Variants in FAT3 observed in about 807,000 individuals in gnomAD.
FAT3 encodes FAT atypical cadherin 3, also known as protocadherin Fat 3.
In FAT3, 95 loss-of-function variants were observed where a neutral mutation model predicts 310.2. That is an observed-to-expected ratio of 0.31 (90% CI 0.26 to 0.36). The LOEUF (loss-of-function observed/expected upper bound fraction) is 0.36. Ranked by LOEUF, FAT3 falls within the 10% of genes least tolerant of loss-of-function variation. The pLI is 1.00. For missense variants in FAT3, 5,408 were observed against 5,715.6 expected, an observed-to-expected ratio of 0.95 and a Z score of 1.74; for synonymous variants, 2,314 against 2,192.9, an observed-to-expected ratio of 1.06 and a Z score of -1.54.
rs1290078922 is a variant in FAT3 at position 92,895,097 on chromosome 11, T to TG, written c.*3986dup. On this transcript the variant is annotated 3_prime_UTR_variant, in exon 28 of 28. Transcript: ENST00000525166. ...ATTTTGCATGGATTGTCCAGATAAT[T>TG]GGCTCTTCACTCCGCTGCCTTCCCA... 1.3e-5 allele frequency: 2 copies of TG among 152,254 alleles called. No individual in the cohort carries two copies. The highest frequency in any genetic ancestry group is 2.9e-5 in the Non-Finnish European group (2 of 68,044). 9.4% of individuals were successfully genotyped at this position (152,254 alleles called of 1,614,324 possible). A position where few individuals can be genotyped will look rare whatever the true frequency, so the allele number is the denominator to read the frequency against.
At chr11:92,356,806 G>A (rs750077064) in intron 2 of FAT3, among the ~76,000 whole-genome samples, 4 of 152,042 alleles carry the variant, frequency 2.6e-5, no homozygotes, top group Admixed American at 6.6e-5. Flanking sequence ...TGGTAGGAAG[G>A]TATCACTATA....
intron 2 of FAT3, among the ~76,000 whole-genome samples, chr11:92,468,982 A>G (rs890755488): frequency 2.6e-5 from 4 of 152,160 alleles, no homozygotes; most frequent in African/African-American, 9.6e-5. Context: ...GCCATAGCCA[A>G]ACTTTCAAGG....
intron 21 of FAT3, among the ~76,000 whole-genome samples, chr11:92,862,468 T>C (rs1206282108): frequency 2.0e-5 from 3 of 152,194 alleles, no homozygotes; most frequent in Non-Finnish European, 4.4e-5. Flanking sequence ...AAGGAGAATA[T>C]GGTTGTTAAT....
intron 22 of FAT3, among the ~76,000 whole-genome samples, chr11:92,869,121 C>T (rs893245127): frequency 6.6e-6 from 1 of 152,182 alleles, no homozygotes; most frequent in Non-Finnish European, 1.5e-5. Flanking sequence ...AGCCTCTTAT[C>T]AGTTCAAGTT....
At chr11:92,338,588 A>G (rs1313254327) in intron 1 of FAT3, among the ~76,000 whole-genome samples, 1 of 152,120 alleles carries the variant, frequency 6.6e-6, no homozygotes, top group Non-Finnish European at 1.5e-5. Context: ...TGGTCTTGGT[A>G]GTCAAGCAGA....
chr11:92,799,039 A>G lies in FAT3; in HGVS notation c.6026A>G (p.Asn2009Ser). The G allele has an allele frequency of 2.5e-6, 4 of 1,613,964 alleles. No individual in the cohort carries two copies. Among genetic ancestry groups the G allele is most frequent in the Non-Finnish European group, 3.4e-6 (4 of 1,179,878 alleles). The part of the protein sequence containing the change: ...TKVAIVNAVG[N>S]RLNEPLKYSI... ...GTTGCTATTGTCAATGCAGTTGGAA[A>G]TCGCCTTAATGAGCCCTTAAAATAC... The change falls in exon 10 of 28, where the codon AAT becomes AGT. Residue 2009 changes from asparagine to serine, a missense_variant. Coordinates refer to ENST00000525166, the MANE Select transcript of FAT3 (RefSeq NM_001367949.2).
chr11:92,282,468 C>T (rs2092044922), intron 1 of FAT3, among the ~76,000 whole-genome samples: 1 of 151,950 alleles, frequency 6.6e-6, no homozygotes, highest in South Asian at 2.1e-4. Context: ...CGTTCGAGAC[C>T]AGCCTGGCCA....
intron 13 of FAT3, among the ~76,000 whole-genome samples, chr11:92,828,785 C>T (rs1424160271): frequency 6.6e-6 from 1 of 152,120 alleles, no homozygotes; most frequent in Admixed American, 6.5e-5. Flanking sequence ...GTCAGCTGAG[C>T]AGGAAGCTTG....
intron 3 of FAT3, among the ~76,000 whole-genome samples, chr11:92,554,321 G>T (rs1223203819): frequency 2.0e-5 from 3 of 151,696 alleles, no homozygotes; most frequent in Non-Finnish European, 4.4e-5. Flanking sequence ...AATTAGCCAG[G>T]CGTGGTGGCA....
At chr11:92,332,812 C>T (rs189766703) in intron 1 of FAT3, among the ~76,000 whole-genome samples, 1 of 152,104 alleles carries the variant, frequency 6.6e-6, no homozygotes, top group Non-Finnish European at 1.5e-5. Flanking sequence ...CCATAGAGTT[C>T]CTCCATTTTC....
chr11:92,769,691 T>C (rs753600467), intron 6 of FAT3, among the ~76,000 whole-genome samples: 1 of 152,256 alleles, frequency 6.6e-6, no homozygotes, highest in Non-Finnish European at 1.5e-5. Flanking sequence ...TCTCGCCTAC[T>C]GTAAGGCTGC....
intron 4 of FAT3, among the ~76,000 whole-genome samples, chr11:92,705,760 A>G (rs1217370638): frequency 4.0e-3 from 15 of 3,780 alleles, no homozygotes; most frequent in East Asian, 6.7e-3. Context: ...TGGTGCTGTG[A>G]TGGTGTGATG....
At chr11:92,318,532 C>A (rs542745002) in intron 1 of FAT3, among the ~76,000 whole-genome samples, 2 of 152,104 alleles carry the variant, frequency 1.3e-5, no homozygotes, top group African/African-American at 4.8e-5. Context: ...GATTATTTAG[C>A]CCTAATTACT....
At chr11:92,779,356 A>C (rs1336115277) in intron 7 of FAT3, among the ~76,000 whole-genome samples, 1 of 152,092 alleles carries the variant, frequency 6.6e-6, no homozygotes, top group African/African-American at 2.4e-5. Flanking sequence ...GGATAATTGC[A>C]GGTTTGGGGC....
intron 3 of FAT3, among the ~76,000 whole-genome samples, chr11:92,585,564 C>G (rs553324318): frequency 6.6e-5 from 10 of 152,092 alleles, no homozygotes; most frequent in Admixed American, 1.3e-4. Context: ...CGGTGCAGCT[C>G]CAAATGCTTT....
At chr11:92,868,237 C>A (rs1949296528) in intron 22 of FAT3, among the ~76,000 whole-genome samples, 3 of 152,120 alleles carry the variant, frequency 2.0e-5, no homozygotes, top group Non-Finnish European at 4.4e-5. Flanking sequence ...ATTTAGAGTC[C>A]ATTTTATTAT....
intron 3 of FAT3, among the ~76,000 whole-genome samples, chr11:92,672,714 C>T (rs913774839): frequency 6.6e-6 from 1 of 152,130 alleles, no homozygotes; most frequent in African/African-American, 2.4e-5. Flanking sequence ...GAGAGAGGAA[C>T]TGGGACATAA....
chr11:92,743,922 G>A (rs1945579116), intron 4 of FAT3, among the ~76,000 whole-genome samples: 1 of 152,176 alleles, frequency 6.6e-6, no homozygotes, highest in South Asian at 2.1e-4. Flanking sequence ...ACTCTCCAGA[G>A]TCCCACCAGG....
Position 92,883,272 on chromosome 11 carries a change from C to A in FAT3, c.12816C>A (p.Arg4272=), listed in dbSNP as rs1361012431. Residue 4272 remains arginine (R), a synonymous_variant, in exon 24 of 28, where the codon CGC becomes CGA. Transcript: ENST00000525166. This position sits in a 1 kb window ranked among gnomAD's most constrained non-coding sequence, Gnocchi z 4.2. ...CCACGTTTCACCCTGAGTCGCCCCGCATCCTGACAGCCCGGCGGGGCGTGG... is the reference window on the plus strand; with the variant it reads ...CCACGTTTCACCCTGAGTCGCCCCGAATCCTGACAGCCCGGCGGGGCGTGG... ...EMTTFHPESP[R]ILTARRGVVV... The A allele has an allele frequency of 1.2e-6, 2 of 1,612,746 alleles. No individual in the cohort carries two copies. The highest frequency in any genetic ancestry group is 2.7e-5 in the African/African-American group (2 of 74,932).
Sources: allele counts gnomAD v4.1 joint callset (sites outside exome capture counted in the v4.1 genomes callset), GRCh38; gene constraint gnomAD v4.1.1; non-coding constraint Gnocchi (gnomAD v3.1); transcripts MANE v1.5; gene names NCBI Gene and HGNC (gene_info 2026-07-23, HGNC 2026-07-21).